MVB12A: variants seen among roughly 807,000 people sequenced by gnomAD.
MVB12A encodes CIN85/CD2AP family binding protein.
Under a neutral mutation model 34.3 loss-of-function variants are expected in MVB12A, and 30 were observed. The ratio of observed to expected loss-of-function variants is 0.88; its 90% CI spans 0.65 to 1.19. The LOEUF is 1.19. MVB12A is among the 50% of genes most tolerant of loss of function. The pLI, the probability that MVB12A is intolerant of heterozygous loss-of-function variation, is 0.00. For synonymous variants in MVB12A, 158 were observed against 158.9 expected, an observed-to-expected ratio of 0.99 and a Z score of 0.04; for missense variants, 355 against 369.2, an observed-to-expected ratio of 0.96 and a Z score of 0.31.
rs1050834335 is a variant in MVB12A, at chr19:17,423,684, C to T, written c.534-9C>T. 1.9e-6 allele frequency: 3 copies of T among 1,613,614 alleles called. No homozygotes were observed. The highest frequency in any genetic ancestry group is 2.7e-5 in the African/African-American group (2 of 74,936). ...GGATGAGGCTTAACCTGAGTCATCCCACCTCCAGTAAGGGCGGCCTCCTGG... is the reference window on the plus strand; with the variant it reads ...GGATGAGGCTTAACCTGAGTCATCCTACCTCCAGTAAGGGCGGCCTCCTGG... On this transcript the variant is annotated splice_polypyrimidine_tract_variant and intron_variant, in intron 5 of 8. Transcript: ENST00000317040.
At position 17,420,146 on chromosome 19, in the gene MVB12A, T is replaced by G; in HGVS notation, c.11T>G (p.Val4Gly). 1 of 1,366,550 alleles carries G rather than the reference T, an allele frequency of 7.3e-7. No homozygotes were observed. Among genetic ancestry groups the G allele is most frequent in the Middle Eastern group, 2.5e-4 (1 of 4,062 alleles). The allele number at this position is 1,366,550 out of a possible 1,614,324, so 84.7% of individuals were successfully genotyped here. The change falls in exon 1 of 9, where the codon GTA (valine) becomes GGA (glycine). Residue 4 changes from valine (V) to glycine (G), a missense_variant. Coordinates refer to ENST00000317040, the MANE Select transcript of MVB12A (RefSeq NM_138401.4). ...CGCTCGGCTCGCAGGATGGATCCCG[T>G]ACCCGGGACAGACTCGGCGCCGCTG... Reference protein sequence around the residue: MDPVPGTDSAPLAG... With the variant: MDPGPGTDSAPLAG...
At chr19:17,423,378 A>T (rs1345170931) in intron 4 of MVB12A, 120 bp from the exon 5 acceptor site, 2 of 1,323,238 alleles carry the variant, frequency 1.5e-6, no homozygotes, top group Admixed American at 4.7e-5. Context: ...AAAAAAAAAA[A>T]AATTCCCCCA....
At chr19:17,408,729 G>A (rs1280985060) in intron 2 of MVB12A, among the ~76,000 whole-genome samples, 2 of 151,090 alleles carry the variant, frequency 1.3e-5, no homozygotes, top group Non-Finnish European at 2.9e-5. Context: ...TTACAGGCGT[G>A]AGCCACTGCA....
At chr19:17,423,461 C>CG (rs1568392023) in intron 4 of MVB12A, 37 bp from the exon 5 acceptor site, 2 of 1,602,710 alleles carry the variant, frequency 1.2e-6, no homozygotes, top group Admixed American at 3.4e-5. Flanking sequence ...GGCCCCACAC[C>CG]GGGCCAGCAT....
At chr19:17,417,018 C>G (rs1370958778), upstream of MVB12A, 5 of 348,356 alleles carry the variant, frequency 1.4e-5, no homozygotes, top group East Asian at 4.0e-4. Flanking sequence ...ATCCATTGTC[C>G]TCCTCCTCTT....
In MVB12A at chr19:17,424,662, G is replaced by C; in HGVS notation, c.744G>C (p.Ala248=). The stretch of plus-strand genomic sequence containing the variant: ...GGGACCTGACCATCAAGTCTCTGGC[G>C]GACATTGAGGAGGAGGTGGGTGCAG... ...AFGDLTIKSL[A]DIEEEYNYGF... The change falls in exon 8 of 9, where the codon GCG becomes GCC. Residue 248 remains alanine, a synonymous_variant. Coordinates refer to ENST00000317040, the MANE Select transcript of MVB12A (RefSeq NM_138401.4). The C allele has an allele frequency of 6.2e-7, 1 of 1,610,968 alleles. No individual in the cohort carries two copies. Among genetic ancestry groups the C allele is most frequent in the Non-Finnish European group, 8.5e-7 (1 of 1,178,222 alleles).
intron 3 of MVB12A, 177 bp from the exon 4 acceptor site, chr19:17,422,155 A>G: frequency 2.1e-6 from 1 of 465,948 alleles, no homozygotes. Context: ...GGCTGCATGG[A>G]ATCCCCTCCT....
chr19:17,423,418 C>T, intron 4 of MVB12A, 80 bp from the exon 5 acceptor site: 3 of 1,510,338 alleles, frequency 2.0e-6, no homozygotes, highest in Non-Finnish European at 2.7e-6. Flanking sequence ...ATGCCCGGGT[C>T]CCCCGCCTTC....
At chr19:17,409,017 T>C (rs1450532340) in intron 2 of MVB12A, among the ~76,000 whole-genome samples, 711 of 137,574 alleles carry the variant, frequency 5.2e-3, no homozygotes, top group African/African-American at 0.017. Flanking sequence ...TTAGTAGAGA[T>C]GGGGTTTCGC....
At position 17,420,529 on chromosome 19, in the gene MVB12A, C is replaced by A; in HGVS notation, c.190-9C>A. 6.2e-7 allele frequency: 1 copy of A among 1,610,070 alleles called. No individual in the cohort carries two copies. The highest frequency in any genetic ancestry group is 8.5e-7 in the Non-Finnish European group (1 of 1,176,326). ...AGCCACCCTCGCCGTGTCCCCCTTC[C>A]ACCCCCAGAACCCGCAGGAGAACGT... On this transcript the variant is annotated splice_polypyrimidine_tract_variant and intron_variant, in intron 2 of 8. Transcript: ENST00000317040.
In MVB12A at chr19:17,425,233, G is replaced by A; in HGVS notation, c.*240G>A. 1 of 517,360 alleles carries A rather than the reference G, an allele frequency of 1.9e-6. No individual in the cohort carries two copies. The highest frequency in any genetic ancestry group is 3.4e-6 in the Non-Finnish European group (1 of 294,292). The allele number at this position is 517,360 out of a possible 1,614,324, so 32.0% of individuals were successfully genotyped here. On this transcript the variant is annotated 3_prime_UTR_variant, in exon 9 of 9. Transcript: ENST00000317040. ...GCCCTGCCGGGCAGGGCTGGAGCTGGACAGAAGCCAGTGCCTTTAAGTCAT... is the reference window on the plus strand; with the variant it reads ...GCCCTGCCGGGCAGGGCTGGAGCTGAACAGAAGCCAGTGCCTTTAAGTCAT...
rs1237505846 is a variant in MVB12A at position 17,420,588 on chromosome 19, C to T, written c.240C>T (p.Ser80=). The T allele has an allele frequency of 3.1e-6, 5 of 1,613,714 alleles. No individual in the cohort carries two copies. In the Admixed American group the frequency reaches 5.0e-5, roughly 16 times the overall value. Residue 80 remains serine (S), a synonymous_variant, in exon 3 of 9, where the codon AGC becomes AGT. Coordinates refer to ENST00000317040, the MANE Select transcript of MVB12A (RefSeq NM_138401.4). ...ATATCCAGATCGTGGTGGACAAGAG[C>T]CCCCTGCCGCTGGGCTTCTCCCCCG... The part of the protein sequence containing the change: ...VADIQIVVDK[S]PLPLGFSPVC...
intron 3 of MVB12A, chr19:17,421,265 A>T: frequency 6.0e-6 from 2 of 335,120 alleles, no homozygotes; most frequent in Middle Eastern, 7.9e-4. Flanking sequence ...GCTCACCACA[A>T]CCTCCGACTC....
At position 17,420,192 on chromosome 19, in the gene MVB12A, G is replaced by A. The variant is rs765303621; in HGVS notation, c.57G>A (p.Ser19=). ...SAPLAGLAWS[S]ASAPPPRGFS... is the part of the protein sequence containing the mutation. ...CGCTGGCTGGCCTGGCCTGGTCGTC[G>A]GCCTCTGCACCCCCGCCGCGGGGGT... is the stretch of plus-strand genomic sequence containing the variant. Residue 19 remains serine, a synonymous_variant, in exon 1 of 9, where the codon TCG becomes TCA. Transcript: ENST00000317040. The A allele has an allele frequency of 4.2e-6, 6 of 1,445,776 alleles. No homozygotes were observed. In the Admixed American group the frequency reaches 1.5e-4, roughly 35 times the overall value. The allele number at this position is 1,445,776 out of a possible 1,614,324, so 89.6% of individuals were successfully genotyped here.
Position 17,410,521 on chromosome 19 carries a change from T to C in MVB12A, c.-5+4225T>C, listed in dbSNP as rs1207268701. Among the ~76,000 whole-genome samples, 23 of 65,412 alleles carry C rather than the reference T, an allele frequency of 3.5e-4. 1 individual carries two copies. The highest frequency in any genetic ancestry group is 8.2e-3 in the Middle Eastern group (1 of 122). 42.9% of individuals were successfully genotyped at this position (65,412 alleles called of 152,430 possible). A position where few individuals can be genotyped will look rare whatever the true frequency, so the allele number is the denominator to read the frequency against. ...TCATATATATATATATATATATATA[T>C]ATATATATACACACACACATATATA... On this transcript the variant is annotated intron_variant, in intron 2 of 6. Transcript: ENST00000528604.
intron 2 of MVB12A, among the ~76,000 whole-genome samples, chr19:17,410,497 CATATATATATAT>C (rs373127253): frequency 0.42 from 33,075 of 78,308 alleles, 6,849 homozygotes; most frequent in Non-Finnish European, 0.52. Flanking sequence ...GTTTTAGCTT[CATATATATATAT>C]ATATATATAT....
chr19:17,408,069 C>G (rs536307449), intron 2 of MVB12A, among the ~76,000 whole-genome samples: 1 of 152,132 alleles, frequency 6.6e-6, no homozygotes. Context: ...GATTGTAGAC[C>G]GAGGATTATT....
intron 3 of MVB12A, among the ~76,000 whole-genome samples, chr19:17,421,713 G>A (rs530220972): frequency 1.3e-5 from 2 of 151,890 alleles, no homozygotes; most frequent in South Asian, 2.1e-4. Flanking sequence ...AGCCTGAGGC[G>A]GGCAGATCAC....
chr19:17,424,970 C>A lies in MVB12A; in HGVS notation c.799C>A (p.Arg267Ser), dbSNP rs760814758. The A allele has an allele frequency of 1.5e-5, 24 of 1,610,140 alleles. No homozygotes were observed. The highest frequency in any genetic ancestry group is 2.0e-5 in the Non-Finnish European group (23 of 1,177,802). ...GFVVEKTAAA[R>S]LPPSVS is the part of the protein sequence containing the mutation. Reference sequence around the variant, plus strand: ...CGTGGTGGAGAAGACCGCGGCTGCCCGCCTGCCCCCCAGCGTCTCATAGTC... The same window carrying A: ...CGTGGTGGAGAAGACCGCGGCTGCCAGCCTGCCCCCCAGCGTCTCATAGTC... The change falls in exon 9 of 9, where the codon CGC (arginine) becomes AGC (serine). Residue 267 changes from arginine (R) to serine (S), a missense_variant. Transcript: ENST00000317040.
Sources: gnomAD v4.1 joint callset for allele counts (sites outside exome capture counted in the v4.1 genomes callset) on GRCh38, gnomAD v4.1.1 for gene constraint, MANE v1.5 for transcripts, NCBI Gene and HGNC (gene_info 2026-07-23, HGNC 2026-07-21) for gene names.